CNIH3: variants seen among roughly 807,000 people sequenced by gnomAD.
CNIH3 encodes cornichon family AMPA receptor auxiliary protein 3, also known as protein cornichon homolog 3.
Under a neutral mutation model 24.1 loss-of-function variants are expected in CNIH3, and 14 were observed. The observed-to-expected ratio is 0.58, with a 90% CI of 0.38 to 0.91. CNIH3 has a LOEUF of 0.91. Ranked by LOEUF, CNIH3 falls within the 40% of genes least tolerant of loss-of-function variation. The pLI is 0.00. For synonymous variants in CNIH3, 68 were observed against 73.8 expected (o/e 0.92, Z 0.40); for missense variants, 178 against 196.8 (o/e 0.90, Z 0.57).
At chr1:224,724,215 T>C (rs1688895581) in intron 3 of CNIH3, among the ~76,000 whole-genome samples, 1 of 152,192 alleles carries the variant, frequency 6.6e-6, no homozygotes, top group Non-Finnish European at 1.5e-5. Flanking sequence ...CACCAACAAA[T>C]AGGGACCACT....
chr1:224,529,747 G>T (rs1678990290), intron 2 of CNIH3, among the ~76,000 whole-genome samples: 1 of 152,168 alleles, frequency 6.6e-6, no homozygotes, highest in South Asian at 2.1e-4. Flanking sequence ...GACTCCATGG[G>T]GAAAATGAAG....
intron 1 of CNIH3, among the ~76,000 whole-genome samples, chr1:224,471,364 T>C (rs1428407034): frequency 6.6e-6 from 1 of 152,120 alleles, no homozygotes; most frequent in Non-Finnish European, 1.5e-5. Flanking sequence ...TTCTATTTTT[T>C]TGTACCCATT....
intron 2 of CNIH3, 117 bp downstream of exon 2, chr1:224,681,143 G>A (rs1276292268): frequency 3.5e-6 from 3 of 854,832 alleles, no homozygotes; most frequent in Non-Finnish European, 5.9e-6. Context: ...CGCCCTCACT[G>A]TGCCTCTCTA....
chr1:224,497,371 T>A (rs922240016), intron 1 of CNIH3, among the ~76,000 whole-genome samples: 3 of 152,260 alleles, frequency 2.0e-5, no homozygotes, highest in African/African-American at 7.2e-5. Flanking sequence ...AGATTTTATG[T>A]TTACTTTAAA....
chr1:224,706,803 A>G (rs987460932), intron 3 of CNIH3, among the ~76,000 whole-genome samples: 5 of 152,090 alleles, frequency 3.3e-5, no homozygotes, highest in African/African-American at 9.7e-5. Context: ...TTTTTTCCCT[A>G]TGATACCATT....
intron 3 of CNIH3, among the ~76,000 whole-genome samples, chr1:224,605,260 G>T (rs1258504184): frequency 1.3e-5 from 2 of 152,162 alleles, no homozygotes; most frequent in East Asian, 3.9e-4. Context: ...TTTCACCAGG[G>T]ACCCACCCCT....
Position 224,730,535 on chromosome 1 carries a change from TG to T in CNIH3, c.276del (p.Leu93Ter). 6.4e-7 allele frequency: 1 copy of T among 1,559,386 alleles called. No individual in the cohort carries two copies. Among genetic ancestry groups the T allele is most frequent in the South Asian group, 1.2e-5 (1 of 84,556 alleles). ...CTGTGTGCGCAAGAGTGGCTCACGC[TG>T]GGGCTGAATGTCCCTCTACTTTTCT... is the stretch of plus-strand genomic sequence containing the variant. The part of the protein sequence containing the change: ...MFLCAQEWLT[L>X]GLNVPLLFYH... On this transcript the variant is annotated frameshift_variant, in exon 4 of 6. Coordinates refer to ENST00000272133, the MANE Select transcript of CNIH3 (RefSeq NM_152495.2). LOFTEE classifies it high-confidence loss of function.
intron 1 of CNIH3, among the ~76,000 whole-genome samples, chr1:224,652,921 T>G (rs1355914840): frequency 5.3e-5 from 8 of 152,068 alleles, no homozygotes; most frequent in Non-Finnish European, 5.9e-5. Flanking sequence ...GTTCAGAGGG[T>G]GAAGGTATTG....
chr1:224,726,334 A>G (rs1268177479), intron 3 of CNIH3, among the ~76,000 whole-genome samples: 4 of 152,244 alleles, frequency 2.6e-5, no homozygotes, highest in Non-Finnish European at 5.9e-5. Context: ...TAGAAGTTGG[A>G]AATTTAGGAG....
intron 3 of CNIH3, among the ~76,000 whole-genome samples, chr1:224,557,982 C>T (rs1056025111): frequency 5.9e-5 from 9 of 152,192 alleles, no homozygotes; most frequent in African/African-American, 1.9e-4. Context: ...TTCGTGGTCT[C>T]ACCACTAAGA....
At chr1:224,617,355 A>C in intron 1 of CNIH3, 100 bp downstream of exon 1, 1 of 1,314,224 alleles carries the variant, frequency 7.6e-7, no homozygotes. Context: ...GGCGAACCGG[A>C]AGGTTGGACC....
chr1:224,544,200 A>T (rs1352846395), intron 2 of CNIH3, among the ~76,000 whole-genome samples: 20 of 152,202 alleles, frequency 1.3e-4, no homozygotes, highest in Admixed American at 1.3e-3. Flanking sequence ...TAGTCAGTTC[A>T]TTCAGAGTCT....
At chr1:224,632,007 T>A (rs576409035) in intron 1 of CNIH3, among the ~76,000 whole-genome samples, 1 of 152,284 alleles carries the variant, frequency 6.6e-6, no homozygotes, top group Admixed American at 6.5e-5. Context: ...GTAACTGCAT[T>A]CCAGAGTTGT....
intron 4 of CNIH3, among the ~76,000 whole-genome samples, chr1:224,570,836 T>C (rs1188213993): frequency 4.6e-5 from 7 of 152,224 alleles, no homozygotes; most frequent in African/African-American, 1.7e-4. Flanking sequence ...CTTTCATGTT[T>C]AGGCCTACAG....
At chr1:224,528,487 T>C (rs1280406993) in intron 2 of CNIH3, among the ~76,000 whole-genome samples, 1 of 151,880 alleles carries the variant, frequency 6.6e-6, no homozygotes, top group Non-Finnish European at 1.5e-5. Flanking sequence ...ACCTAGAAAA[T>C]TAAAAAAATT....
chr1:224,645,622 CAT>C (rs1281943851), intron 1 of CNIH3, among the ~76,000 whole-genome samples: 6 of 152,228 alleles, frequency 3.9e-5, no homozygotes, highest in South Asian at 2.1e-4. Context: ...TTCAGGGTAA[CAT>C]GTGGAGCAGG....
At chr1:224,603,108 A>G (rs547878842) in intron 3 of CNIH3, among the ~76,000 whole-genome samples, 1 of 152,314 alleles carries the variant, frequency 6.6e-6, no homozygotes, top group African/African-American at 2.4e-5. Context: ...TAATCCCATT[A>G]CTGAATCCAC....
chr1:224,522,056 T>C (rs1678656788), intron 2 of CNIH3, among the ~76,000 whole-genome samples: 1 of 152,208 alleles, frequency 6.6e-6, no homozygotes, highest in Admixed American at 6.5e-5. Context: ...AATTGTTGCC[T>C]GTTCTCCCTT....
intron 2 of CNIH3, among the ~76,000 whole-genome samples, chr1:224,526,495 C>A (rs1410039175): frequency 6.6e-6 from 1 of 152,116 alleles, no homozygotes; most frequent in Admixed American, 6.5e-5. Flanking sequence ...GACTTCATGC[C>A]TCTGGAATGG....
Sources: gnomAD v4.1 joint callset for allele counts (sites outside exome capture counted in the v4.1 genomes callset) on GRCh38, gnomAD v4.1.1 for gene constraint, MANE v1.5 for transcripts, NCBI Gene and HGNC (gene_info 2026-07-23, HGNC 2026-07-21) for gene names.